ANXA10: variants seen among roughly 807,000 people sequenced by gnomAD.
ANXA10 encodes the protein annexin A10, also known as annexin 14.
In ANXA10, 49 loss-of-function variants were observed where a neutral mutation model predicts 53.5. The ratio of observed to expected loss-of-function variants is 0.92; its 90% CI spans 0.73 to 1.16. The LOEUF is 1.16. Among genes scored for constraint, ANXA10 ranks in the 50% most tolerant of loss-of-function variants. ANXA10 has a pLI of 0.00. For missense variants in ANXA10, 393 were observed against 394.4 expected (o/e 1.00, Z 0.03); for synonymous variants, 131 against 128.9 (o/e 1.02, Z -0.11).
intron 3 of ANXA10, among the ~76,000 whole-genome samples, chr4:168,147,336 T>C (rs1454305498): frequency 2.4e-4 from 36 of 152,184 alleles, no homozygotes; most frequent in Admixed American, 2.3e-3. Context: ...TAGCTGCTTT[T>C]CAAAGGGGAT....
intron 2 of ANXA10, among the ~76,000 whole-genome samples, chr4:168,132,920 T>G (rs1339059668): frequency 1.3e-5 from 2 of 152,114 alleles, no homozygotes; most frequent in African/African-American, 2.4e-5. Context: ...ACTAAAATTG[T>G]TTTATAACCC....
chr4:168,123,571 T>C (rs1250997906), intron 1 of ANXA10, among the ~76,000 whole-genome samples: 1 of 152,150 alleles, frequency 6.6e-6, no homozygotes, highest in African/African-American at 2.4e-5. Context: ...ATATCACATT[T>C]AGGACGTTTT....
At chr4:168,101,367 C>T (rs921986546) in intron 1 of ANXA10, among the ~76,000 whole-genome samples, 2 of 152,034 alleles carry the variant, frequency 1.3e-5, no homozygotes, top group African/African-American at 4.8e-5. Context: ...TACCCAGCCT[C>T]AGATATTTCT....
chr4:168,120,276 T>C lies in ANXA10; in HGVS notation c.19-7808T>C, dbSNP rs191919547. 1.3e-3 allele frequency among the ~76,000 whole-genome samples: 200 copies of C among 152,226 alleles called. 2 individuals are homozygous for C. Among genetic ancestry groups the C allele is most frequent in the Non-Finnish European group, 2.5e-3 (169 of 67,966 alleles). On this transcript the variant is annotated intron_variant, in intron 1 of 11. Transcript: ENST00000359299. The stretch of plus-strand genomic sequence containing the variant: ...CCAGATGTGAAAACTTGTTAAATAA[T>C]TTTTATTTAAAGCTGGTTTCCAAGA...
intron 3 of ANXA10, among the ~76,000 whole-genome samples, chr4:168,156,049 T>TTATATATTATATATCATATATTA (rs1553957672): frequency 6.1e-5 from 3 of 49,422 alleles, no homozygotes; most frequent in Admixed American, 4.0e-4. Flanking sequence ...ATATTATATA[T>TTATATATTATATATCATATATTA]TATATATTAT....
intron 6 of ANXA10, among the ~76,000 whole-genome samples, chr4:168,176,972 C>T (rs1223183688): frequency 6.6e-6 from 1 of 152,146 alleles, no homozygotes; most frequent in African/African-American, 2.4e-5. Flanking sequence ...TGCATTCTAA[C>T]CTGTGGAATG....
At chr4:168,150,345 T>C (rs1731476412) in intron 3 of ANXA10, among the ~76,000 whole-genome samples, 1 of 152,186 alleles carries the variant, frequency 6.6e-6, no homozygotes, top group Non-Finnish European at 1.5e-5. Flanking sequence ...AATGAAGCTA[T>C]TCGAAAGAAT....
intron 1 of ANXA10, among the ~76,000 whole-genome samples, chr4:168,097,290 A>G (rs573323138): frequency 6.6e-6 from 1 of 152,156 alleles, no homozygotes; most frequent in South Asian, 2.1e-4. Context: ...AATGACCTTC[A>G]TATGGTTAAA....
At chr4:168,167,809 G>A (rs780438870) in intron 6 of ANXA10, among the ~76,000 whole-genome samples, 14 of 151,904 alleles carry the variant, frequency 9.2e-5, no homozygotes, top group East Asian at 1.9e-4. Flanking sequence ...TTATTTTCAC[G>A]ACTCAAAAAC....
At chr4:168,156,067 A>ATATATTATATATAATATT (rs1560784257) in intron 3 of ANXA10, among the ~76,000 whole-genome samples, 1,438 of 60,880 alleles carry the variant, frequency 0.024, 37 homozygotes, top group Middle Eastern at 0.04. Context: ...TATATATCAT[A>ATATATTATATATAATATT]TATTATATAT....
At chr4:168,146,801 A>C (rs892231608) in intron 3 of ANXA10, among the ~76,000 whole-genome samples, 2 of 152,226 alleles carry the variant, frequency 1.3e-5, no homozygotes, top group African/African-American at 4.8e-5. Context: ...TGTTTTTCCA[A>C]GAGTTAACCC....
intron 1 of ANXA10, among the ~76,000 whole-genome samples, chr4:168,120,948 C>T (rs1014449942): frequency 1.3e-5 from 2 of 152,020 alleles, no homozygotes; most frequent in African/African-American, 4.8e-5. Flanking sequence ...ATCTAGGACA[C>T]AGCTACTTTG....
In ANXA10 at chr4:168,103,290, A is replaced by C. The variant is rs546339094; in HGVS notation, c.18+10572A>C. On this transcript the variant is annotated intron_variant, in intron 1 of 11. Transcript: ENST00000359299. The stretch of plus-strand genomic sequence containing the variant: ...TATATTTTTCTTCTAGAAGTTTTAT[A>C]GACTTACATTTCTATTAAGGTCTAT... 3.9e-5 allele frequency among the ~76,000 whole-genome samples: 6 copies of C among 152,128 alleles called. No homozygotes were observed. The South Asian group carries it at 1.0e-3, about 26-fold the overall frequency.
chr4:168,156,010 G>T (rs1469218814), intron 3 of ANXA10, among the ~76,000 whole-genome samples: 1 of 4,626 alleles, frequency 2.2e-4, no homozygotes, highest in Non-Finnish European at 3.2e-4. Context: ...TATATTATAT[G>T]TTATATATAA....
chr4:168,156,206 T>TATTA (rs1553957762), intron 3 of ANXA10, among the ~76,000 whole-genome samples: 10 of 16,860 alleles, frequency 5.9e-4, no homozygotes, highest in South Asian at 1.6e-3. Flanking sequence ...ATAATATATA[T>TATTA]TATATTATAT....
chr4:168,130,532 T>C (rs1731140766), intron 2 of ANXA10, among the ~76,000 whole-genome samples: 1 of 152,036 alleles, frequency 6.6e-6, no homozygotes, highest in Non-Finnish European at 1.5e-5. Context: ...CTGAAGGAGA[T>C]TGTAGAAAAT....
intron 3 of ANXA10, among the ~76,000 whole-genome samples, chr4:168,155,855 CA>C (rs1731634630): frequency 1.2e-3 from 3 of 2,446 alleles, no homozygotes; most frequent in African/African-American, 3.3e-3. Flanking sequence ...TATAATATAT[CA>C]TATATGATAT....
At chr4:168,153,439 A>ACC (rs1560782257) in intron 3 of ANXA10, among the ~76,000 whole-genome samples, 6 of 51,748 alleles carry the variant, frequency 1.2e-4, no homozygotes, top group East Asian at 3.0e-4. Flanking sequence ...AAAAAAAAAA[A>ACC]AACAAAAACA....
intron 2 of ANXA10, among the ~76,000 whole-genome samples, chr4:168,134,218 G>T (rs1322700213): frequency 1.3e-5 from 2 of 151,984 alleles, no homozygotes; most frequent in African/African-American, 4.8e-5. Context: ...TTAGCAAAAA[G>T]CTCCACAAAT....
Sources: gnomAD v4.1 joint callset for allele counts (sites outside exome capture counted in the v4.1 genomes callset) on GRCh38, gnomAD v4.1.1 for gene constraint, MANE v1.5 for transcripts, NCBI Gene and HGNC (gene_info 2026-07-23, HGNC 2026-07-21) for gene names.